PPM1H: variants seen among roughly 807,000 people sequenced by gnomAD.
The protein encoded by PPM1H is protein phosphatase, Mg2+/Mn2+ dependent 1H, also known as protein phosphatase 1H.
PPM1H carries 27 observed loss-of-function variants against 54.9 expected under a neutral mutation model. The ratio of observed to expected loss-of-function variants is 0.49; its 90% CI spans 0.36 to 0.68. The LOEUF (loss-of-function observed/expected upper bound fraction) is 0.68, where lower values mean the gene tolerates loss of function less well. Ranked by LOEUF, PPM1H falls within the 30% of genes least tolerant of loss-of-function variation. The pLI is 0.00. For missense variants in PPM1H, 596 were observed against 667.8 expected (o/e 0.89, Z 1.19); for synonymous variants, 305 against 270.8 (o/e 1.13, Z -1.24).
intron 1 of PPM1H, among the ~76,000 whole-genome samples, chr12:62,926,668 A>T (rs1420253092): frequency 2.6e-5 from 4 of 152,296 alleles, no homozygotes; most frequent in Non-Finnish European, 4.4e-5. Context: ...AAAGATCTCT[A>T]AATGGGTCAG....
At chr12:62,825,476 A>T (rs552202878) in intron 2 of PPM1H, among the ~76,000 whole-genome samples, 41 of 152,326 alleles carry the variant, frequency 2.7e-4, no homozygotes, top group African/African-American at 9.1e-4. Context: ...AAAACTTGGA[A>T]CCAATCCAAA....
intron 2 of PPM1H, among the ~76,000 whole-genome samples, chr12:62,830,456 T>C (rs773515541): frequency 4.5e-4 from 69 of 152,136 alleles, no homozygotes; most frequent in South Asian, 4.1e-3. Flanking sequence ...AGGGTGTCAC[T>C]GTGTTAGCCA....
In PPM1H at chr12:62,678,985, C is replaced by A. The variant is rs564198047; in HGVS notation, c.1245+10714G>T. Among the ~76,000 whole-genome samples the A allele has an allele frequency of 5.9e-5, 9 of 152,144 alleles. No homozygotes were observed. The South Asian group carries it at 1.9e-3, about 32-fold the overall frequency. ...TACAGGCAGCAGCTACCACACCCAG[C>A]CCGTATACTCTTTGTTTTTTGAGAC... On this transcript the variant is annotated intron_variant, in intron 8 of 9. Coordinates refer to ENST00000228705, the MANE Select transcript of PPM1H (RefSeq NM_020700.2).
intron 1 of PPM1H, among the ~76,000 whole-genome samples, chr12:62,933,203 C>A (rs1311402437): frequency 6.6e-6 from 1 of 152,154 alleles, no homozygotes; most frequent in African/African-American, 2.4e-5. Flanking sequence ...AATCGTCTAG[C>A]CCCATTTATA....
At chr12:62,760,424 C>T (rs11611307) in intron 4 of PPM1H, among the ~76,000 whole-genome samples, 3 of 151,574 alleles carry the variant, frequency 2.0e-5, no homozygotes, top group Non-Finnish European at 2.9e-5. Flanking sequence ...GCTCCTCCTC[C>T]GGTCGCTCCC....
intron 1 of PPM1H, among the ~76,000 whole-genome samples, chr12:62,870,652 T>C (rs1029923458): frequency 1.3e-5 from 2 of 152,194 alleles, no homozygotes; most frequent in African/African-American, 4.8e-5. Context: ...GTTCTCTTAA[T>C]GGATTAGGAG....
At chr12:62,756,907 A>T (rs1163590366) in intron 4 of PPM1H, among the ~76,000 whole-genome samples, 1 of 152,158 alleles carries the variant, frequency 6.6e-6, no homozygotes, top group Non-Finnish European at 1.5e-5. Context: ...GTCAGCAAAG[A>T]TTTAACCAAA....
chr12:62,854,705 C>G (rs1869318812), intron 1 of PPM1H, among the ~76,000 whole-genome samples: 1 of 143,972 alleles, frequency 6.9e-6, no homozygotes, highest in Admixed American at 7.2e-5. Flanking sequence ...CACATCAAAG[C>G]TTTACTTTTA....
At chr12:62,731,982 A>G (rs1293926581) in intron 5 of PPM1H, among the ~76,000 whole-genome samples, 1 of 152,160 alleles carries the variant, frequency 6.6e-6, no homozygotes, top group African/African-American at 2.4e-5. Context: ...CTTCCCTCCT[A>G]TCTGAGCCTT....
At chr12:62,727,554 C>A (rs563112932) in intron 5 of PPM1H, among the ~76,000 whole-genome samples, 141 of 151,436 alleles carry the variant, frequency 9.3e-4, no homozygotes, top group Non-Finnish European at 1.6e-3. Flanking sequence ...CCTAAGAATA[C>A]CTAAATAATA....
intron 1 of PPM1H, among the ~76,000 whole-genome samples, chr12:62,884,633 C>G (rs1757739968): frequency 6.6e-6 from 1 of 151,648 alleles, no homozygotes; most frequent in African/African-American, 2.4e-5. Flanking sequence ...GAAGACAAGA[C>G]AGTGGAAAAG....
At position 62,730,832 on chromosome 12, in the gene PPM1H, TAAC is replaced by T. The variant is rs1258332477; in HGVS notation, c.954+6667_954+6669del. Among the ~76,000 whole-genome samples, 7 of 152,192 alleles carry T rather than the reference TAAC, an allele frequency of 4.6e-5. No individual in the cohort carries two copies. In the East Asian group the frequency reaches 1.2e-3, roughly 25 times the overall value. Reference sequence around the variant, plus strand: ...TGTCAGCCAAACCACTGGTGATCACTAACAGTCACGCTAACAGTCAAATGAGAC... The same window carrying T: ...TGTCAGCCAAACCACTGGTGATCACTAGTCACGCTAACAGTCAAATGAGAC... On this transcript the variant is annotated intron_variant, in intron 5 of 9. Transcript: ENST00000228705.
chr12:62,705,172 A>C (rs2076166154), intron 6 of PPM1H, among the ~76,000 whole-genome samples: 1 of 152,190 alleles, frequency 6.6e-6, no homozygotes, highest in Non-Finnish European at 1.5e-5. Flanking sequence ...ATACACCGAT[A>C]TTTTCTTTCT....
At chr12:62,858,105 C>A (rs930503359) in intron 1 of PPM1H, among the ~76,000 whole-genome samples, 4 of 151,878 alleles carry the variant, frequency 2.6e-5, no homozygotes, top group African/African-American at 4.8e-5. Flanking sequence ...CGCCCCCTAC[C>A]ACTCCCCAGA....
chr12:62,792,442 G>A (rs1040070770), intron 3 of PPM1H, among the ~76,000 whole-genome samples: 3 of 152,154 alleles, frequency 2.0e-5, no homozygotes, highest in Admixed American at 1.3e-4. Context: ...GTGAACTTAA[G>A]TACTTTTTAA....
intron 5 of PPM1H, among the ~76,000 whole-genome samples, chr12:62,722,446 C>A (rs1028329198): frequency 1.3e-5 from 2 of 152,182 alleles, no homozygotes; most frequent in Admixed American, 6.5e-5. Context: ...AGGTCATTCG[C>A]CCAAGACTGG....
intron 1 of PPM1H, among the ~76,000 whole-genome samples, chr12:62,897,353 A>G (rs529788716): frequency 6.6e-6 from 1 of 152,234 alleles, no homozygotes; most frequent in South Asian, 2.1e-4. Context: ...CGCCACATAC[A>G]CTAATAACAG....
chr12:62,859,526 C>G (rs1439166390), intron 1 of PPM1H, among the ~76,000 whole-genome samples: 1 of 152,214 alleles, frequency 6.6e-6, no homozygotes, highest in Non-Finnish European at 1.5e-5. Flanking sequence ...CCTTTCACAT[C>G]TGCAGCTAGT....
chr12:62,646,988 G>GTGT lies in PPM1H; in HGVS notation c.*1498_*1500dup, dbSNP rs1555186112. On this transcript the variant is annotated 3_prime_UTR_variant, in exon 10 of 10. Transcript: ENST00000228705. ...CTTTTTTCCTTTTTGGGTCAGAAGAGTGTTTTAATTACTCAAAGTTGTCAA... is the reference window on the plus strand; with the variant it reads ...CTTTTTTCCTTTTTGGGTCAGAAGAGTGTTGTTTTAATTACTCAAAGTTGTCAA... 2.0e-5 allele frequency: 3 copies of GTGT among 152,234 alleles called. No individual in the cohort carries two copies. Among genetic ancestry groups the GTGT allele is most frequent in the African/African-American group, 7.2e-5 (3 of 41,450 alleles). 9.4% of individuals were successfully genotyped at this position (152,234 alleles called of 1,614,324 possible). A position where few individuals can be genotyped will look rare whatever the true frequency, so the allele number is the denominator to read the frequency against.
Sources: allele counts gnomAD v4.1 joint callset (sites outside exome capture counted in the v4.1 genomes callset), GRCh38; gene constraint gnomAD v4.1.1; transcripts MANE v1.5; gene names NCBI Gene and HGNC (gene_info 2026-07-23, HGNC 2026-07-21).